MECOM: variants seen among roughly 807,000 people sequenced by gnomAD.
MECOM encodes histone-lysine N-methyltransferase MECOM.
Under a neutral mutation model 116.3 loss-of-function variants are expected in MECOM, and 13 were observed. The observed-to-expected ratio is 0.11, with a 90% CI of 0.07 to 0.18. The LOEUF is 0.18. Ranked by LOEUF, MECOM falls within the 10% of genes least tolerant of loss-of-function variation. The probability of loss-of-function intolerance (pLI) is 1.00; values close to 1 mark genes in which losing one functional copy is unlikely to be tolerated. For missense variants in MECOM, 1,299 were observed against 1,509.0 expected (o/e 0.86, Z 2.31); for synonymous variants, 528 against 535.2 (o/e 0.99, Z 0.19).
At chr3:169,357,997 T>C (rs1459515786) in intron 2 of MECOM, among the ~76,000 whole-genome samples, 1 of 151,804 alleles carries the variant, frequency 6.6e-6, no homozygotes, top group African/African-American at 2.4e-5. Flanking sequence ...GAACCATGTG[T>C]TATTTTATGC....
At chr3:169,581,404 C>T (rs1398206618) in intron 1 of MECOM, among the ~76,000 whole-genome samples, 2 of 152,168 alleles carry the variant, frequency 1.3e-5, no homozygotes, top group African/African-American at 2.4e-5. Context: ...GCCTAATCAG[C>T]TCCTACCATG....
intron 12 of MECOM, among the ~76,000 whole-genome samples, chr3:169,098,663 A>G (rs1006032566): frequency 2.0e-5 from 3 of 152,034 alleles, no homozygotes; most frequent in Admixed American, 6.6e-5. Flanking sequence ...TCCTCTTTAA[A>G]CTTTCACTCA....
intron 2 of MECOM, among the ~76,000 whole-genome samples, chr3:169,371,882 C>T (rs527979353): frequency 6.6e-6 from 1 of 151,900 alleles, no homozygotes; most frequent in East Asian, 1.9e-4. Flanking sequence ...ACATAGATTG[C>T]CTGTTTCAAT....
chr3:169,596,953 A>G (rs1194352445), intron 1 of MECOM, among the ~76,000 whole-genome samples: 1 of 152,204 alleles, frequency 6.6e-6, no homozygotes, highest in Non-Finnish European at 1.5e-5. Flanking sequence ...GCTGGTTTAA[A>G]AAGAAAAAGT....
chr3:169,472,547 G>A (rs1430319065), intron 1 of MECOM, among the ~76,000 whole-genome samples: 988 of 62,970 alleles, frequency 0.016, 21 homozygotes, highest in African/African-American at 0.039. Context: ...GGAAAGGAAA[G>A]GAAAAGAAAA....
At chr3:169,237,937 G>A (rs1353479346) in intron 2 of MECOM, among the ~76,000 whole-genome samples, 3 of 151,988 alleles carry the variant, frequency 2.0e-5, no homozygotes, top group Non-Finnish European at 4.4e-5. Flanking sequence ...AGCAATTTGG[G>A]AAGTCCAGGC....
chr3:169,428,385 T>C (rs1247969535), intron 1 of MECOM, among the ~76,000 whole-genome samples: 1 of 152,154 alleles, frequency 6.6e-6, no homozygotes, highest in Non-Finnish European at 1.5e-5. Context: ...ATCCTTCACA[T>C]GCGCAGTTCA....
Position 169,223,296 on chromosome 3 carries a change from C to T in MECOM, c.376-79464G>A, listed in dbSNP as rs1577388362. ...CTCCCCCCTCCCCCCTCCCCCCACC[C>T]CACAACAGGCCCCATTGTGTGATGT... On this transcript the variant is annotated intron_variant, in intron 2 of 16. Coordinates refer to ENST00000651503, the MANE Select transcript of MECOM (RefSeq NM_004991.4). Among the ~76,000 whole-genome samples, 4 of 99,922 alleles carry T rather than the reference C, an allele frequency of 4.0e-5. No individual in the cohort carries two copies. In the South Asian group the frequency reaches 1.8e-3, roughly 44 times the overall value. The allele number at this position is 99,922 out of a possible 152,430, so 65.6% of individuals were successfully genotyped here. A position where few individuals can be genotyped will look rare whatever the true frequency, so the allele number is the denominator to read the frequency against.
chr3:169,386,064 A>G (rs1468324890), intron 1 of MECOM, among the ~76,000 whole-genome samples: 1 of 152,192 alleles, frequency 6.6e-6, no homozygotes, highest in Non-Finnish European at 1.5e-5. Context: ...AACCTCTTCA[A>G]TTCAAATTTT....
Position 169,381,375 on chromosome 3 carries a change from G to A in MECOM, c.187C>T (p.Pro63Ser). 2 of 1,613,908 alleles carry A rather than the reference G, an allele frequency of 1.2e-6. No individual in the cohort carries two copies. The highest frequency in any genetic ancestry group is 2.2e-5 in the East Asian group (1 of 44,866). The change falls in exon 2 of 17, where the codon CCT becomes TCT. Residue 63 changes from proline (P) to serine (S), a missense_variant. By Grantham distance (74) the Pro-to-Ser change is moderately conservative (BLOSUM62 -1). Around this residue, in one of 6 missense-constraint regions of MECOM, gnomAD observed 374 missense variants for 433.4 expected, o/e 0.86. Coordinates refer to ENST00000651503, the MANE Select transcript of MECOM (RefSeq NM_004991.4). Reference sequence around the variant, plus strand: ...GGGATGTAGATGGGGGCTTTGTAAGGAGAACCCTCCTTTGGAGTGAATGCT... The same window carrying A: ...GGGATGTAGATGGGGGCTTTGTAAGAAGAACCCTCCTTTGGAGTGAATGCT... ...SEAFTPKEGS[P>S]YKAPIYIPDD...
chr3:169,114,724 A>G (rs1728574202), intron 8 of MECOM, among the ~76,000 whole-genome samples: 1 of 152,220 alleles, frequency 6.6e-6, no homozygotes, highest in South Asian at 2.1e-4. Context: ...GGTGAATATT[A>G]CTGAATATTG....
At chr3:169,659,236 C>T (rs1384426812) in intron 1 of MECOM, among the ~76,000 whole-genome samples, 1 of 151,974 alleles carries the variant, frequency 6.6e-6, no homozygotes, top group Non-Finnish European at 1.5e-5. Context: ...CTGGGCTAGC[C>T]GGCAAAAGTC....
intron 2 of MECOM, among the ~76,000 whole-genome samples, chr3:169,162,836 C>A (rs1165207852): frequency 1.3e-5 from 2 of 152,022 alleles, no homozygotes; most frequent in Admixed American, 6.6e-5. Context: ...AGAAATAATT[C>A]TTCTGGTAAA....
At chr3:169,234,266 T>A (rs1425166570) in intron 2 of MECOM, among the ~76,000 whole-genome samples, 2 of 151,942 alleles carry the variant, frequency 1.3e-5, no homozygotes, top group African/African-American at 2.4e-5. Flanking sequence ...CTGAGAACGA[T>A]AGCAAGGGTC....
intron 1 of MECOM, among the ~76,000 whole-genome samples, chr3:169,477,781 G>A (rs548928762): frequency 1.3e-5 from 2 of 152,250 alleles, no homozygotes; most frequent in African/African-American, 2.4e-5. Flanking sequence ...TAATGTGAGA[G>A]CTTGTTTTAG....
rs1425348061 is a variant in MECOM at position 169,495,981 on chromosome 3, C to G, written c.38-114457G>C. Among the ~76,000 whole-genome samples the G allele has an allele frequency of 7.9e-5, 12 of 152,284 alleles. No homozygotes were observed. The East Asian group carries it at 2.3e-3, about 29-fold the overall frequency. On this transcript the variant is annotated intron_variant, in intron 1 of 16. Transcript: ENST00000651503. ...GCCTGACACATAGTAAGCATAACGA[C>G]CCTACCAGTAAAAGGGTCGACTCCA...
chr3:169,554,976 T>C (rs1761860399), intron 1 of MECOM, among the ~76,000 whole-genome samples: 1 of 152,260 alleles, frequency 6.6e-6, no homozygotes, highest in Non-Finnish European at 1.5e-5. Context: ...CTAATCTAAA[T>C]GCCAATCTAA....
chr3:169,466,347 C>T (rs79218352), intron 1 of MECOM, among the ~76,000 whole-genome samples: 1,786 of 152,262 alleles, frequency 0.012, 37 homozygotes, highest in East Asian at 0.05. Context: ...ATGATGACTC[C>T]CAGTGAAGGC....
At chr3:169,663,059 C>T (rs1394334474) in intron 1 of MECOM, among the ~76,000 whole-genome samples, 1 of 128,532 alleles carries the variant, frequency 7.8e-6, no homozygotes, top group African/African-American at 2.9e-5. Flanking sequence ...GTCTTTGCTG[C>T]CCCCACCCCC....
Sources: allele counts gnomAD v4.1 joint callset (sites outside exome capture counted in the v4.1 genomes callset), GRCh38; gene constraint gnomAD v4.1.1; regional missense constraint gnomAD v4.1.1; transcripts MANE v1.5; gene names NCBI Gene and HGNC (gene_info 2026-07-23, HGNC 2026-07-21).